The following ZNF503 variants were observed in gnomAD, a reference collection of about 807,000 sequenced individuals.
ZNF503 encodes the protein zinc finger protein 503, also known as NocA-like zinc finger 2.
ZNF503 carries 15 observed loss-of-function variants against 34.4 expected under a neutral mutation model. That is an observed-to-expected ratio of 0.44 (90% CI 0.29 to 0.67). The LOEUF (loss-of-function observed/expected upper bound fraction) is 0.67, where lower values mean the gene tolerates loss of function less well. Among genes scored for constraint, ZNF503 ranks in the 30% least tolerant of loss-of-function variants. ZNF503 has a pLI of 0.13. For missense variants in ZNF503, 1,007 were observed against 926.8 expected, an observed-to-expected ratio of 1.09 and a Z score of -1.12; for synonymous variants, 580 against 456.8, an observed-to-expected ratio of 1.27 and a Z score of -3.44.
At chr10:75,354,470 T>C in the ZNF503 span, among the ~76,000 whole-genome samples, 2 of 152,094 alleles carry the variant, frequency 1.3e-5, 1 homozygote, top group South Asian at 4.1e-4. Flanking sequence ...CCTAGCACTT[T>C]GGGAGGCTGA....
At chr10:75,367,999 A>T in the ZNF503 span, among the ~76,000 whole-genome samples, 1 of 152,204 alleles carries the variant, frequency 6.6e-6, no homozygotes, top group East Asian at 1.9e-4. Flanking sequence ...GGGCTTGGGG[A>T]AGGCCCAGTA....
chr10:75,352,903 C>T, the ZNF503 span, among the ~76,000 whole-genome samples: 5 of 152,186 alleles, frequency 3.3e-5, no homozygotes, highest in Admixed American at 6.5e-5. Flanking sequence ...CAGGCCTCCG[C>T]CTCCCCCAGC....
the ZNF503 span, among the ~76,000 whole-genome samples, chr10:75,298,170 G>C: frequency 7.2e-5 from 11 of 152,100 alleles, no homozygotes; most frequent in Non-Finnish European, 1.5e-4. Context: ...TTAGGTCTGG[G>C]ATCCATTTTT....
At position 75,399,597 on chromosome 10, in the gene ZNF503, C is replaced by G. The variant is rs1402583584; in HGVS notation, c.1093G>C (p.Gly365Arg). ...TGGGGCGGGTAGCCGGCGTAGGCCC[C>G]GGCCAGGCTGCCTGGGTAGGTCATA... ...AGMTYPGSLA[G>R]AYAGYPPQFL... The change falls in exon 2 of 2, where the codon GGG becomes CGG. Residue 365 changes from glycine to arginine, a missense_variant. Coordinates refer to ENST00000372524, the MANE Select transcript of ZNF503 (RefSeq NM_032772.6). 3 of 1,597,430 alleles carry G rather than the reference C, an allele frequency of 1.9e-6. No individual in the cohort carries two copies. The highest frequency in any genetic ancestry group is 1.1e-5 in the South Asian group (1 of 91,006).
chr10:75,349,239 A>T, the ZNF503 span, among the ~76,000 whole-genome samples: 1 of 152,230 alleles, frequency 6.6e-6, no homozygotes, highest in East Asian at 1.9e-4. Context: ...ATCTTCGGAC[A>T]CACTTTGCAT....
At chr10:75,284,786 T>G in the ZNF503 span, among the ~76,000 whole-genome samples, 12 of 152,194 alleles carry the variant, frequency 7.9e-5, no homozygotes, top group African/African-American at 2.7e-4. Flanking sequence ...TACACTCAAA[T>G]GGACTCTAAA....
chr10:75,313,210 G>GT, the ZNF503 span, among the ~76,000 whole-genome samples: 24 of 152,264 alleles, frequency 1.6e-4, no homozygotes, highest in African/African-American at 5.3e-4. Flanking sequence ...CAAAATAGGG[G>GT]TTTTTTTGCA....
At chr10:75,305,328 TAA>T in the ZNF503 span, among the ~76,000 whole-genome samples, 3 of 152,128 alleles carry the variant, frequency 2.0e-5, no homozygotes, top group African/African-American at 7.2e-5. Context: ...CTCTACTGTA[TAA>T]AGCACCATTT....
the ZNF503 span, among the ~76,000 whole-genome samples, chr10:75,356,985 C>T: frequency 2.0e-5 from 3 of 151,974 alleles, no homozygotes; most frequent in Non-Finnish European, 4.4e-5. Flanking sequence ...TTGTTCATCC[C>T]ACAAGAAAAA....
At chr10:75,331,445 A>T in the ZNF503 span, among the ~76,000 whole-genome samples, 11 of 152,026 alleles carry the variant, frequency 7.2e-5, no homozygotes, top group East Asian at 1.3e-3. Flanking sequence ...TCTCCCTTTA[A>T]TTTATTTTAT....
At chr10:75,317,724 GGT>G in the ZNF503 span, among the ~76,000 whole-genome samples, 1 of 152,150 alleles carries the variant, frequency 6.6e-6, no homozygotes, top group Non-Finnish European at 1.5e-5. Flanking sequence ...GGCCAGGTGT[GGT>G]GGCTCATACC....
chr10:75,384,264 T>C, the ZNF503 span, among the ~76,000 whole-genome samples: 5 of 151,966 alleles, frequency 3.3e-5, no homozygotes, highest in East Asian at 5.8e-4. Context: ...CACATGCGCA[T>C]ACACACACTG....
chr10:75,380,065 C>T, the ZNF503 span, among the ~76,000 whole-genome samples: 71 of 152,322 alleles, frequency 4.7e-4, no homozygotes, highest in African/African-American at 1.7e-3. Flanking sequence ...CAGACCTGCT[C>T]ACTCTATGCC....
the ZNF503 span, among the ~76,000 whole-genome samples, chr10:75,378,313 A>G: frequency 6.6e-6 from 1 of 152,124 alleles, no homozygotes; most frequent in Non-Finnish European, 1.5e-5. Context: ...ACAGATGGGC[A>G]GGAAGCTCCT....
rs1266621889 is a variant in ZNF503, at chr10:75,401,239, G to A, written c.181C>T (p.Pro61Ser). ...GCCTGGCGCAGGGGGTCAGAGGGGG[G>A]CACGGCGTGCACAAAAGGCTTGGTG... Reference protein sequence around the residue: ...GSTKPFVHAVPPSDPLRQANR... With the variant: ...GSTKPFVHAVSPSDPLRQANR... The change falls in exon 1 of 2, where the codon CCC becomes TCC. Residue 61 changes from proline (P) to serine (S), a missense_variant. Physicochemically the swap from Pro to Ser is moderately conservative, Grantham distance 74. Coordinates refer to ENST00000372524, the MANE Select transcript of ZNF503 (RefSeq NM_032772.6). The A allele has an allele frequency of 5.0e-6, 8 of 1,606,464 alleles. No homozygotes were observed. The highest frequency in any genetic ancestry group is 3.3e-5 in the South Asian group (3 of 90,038).
chr10:75,382,772 G>A, the ZNF503 span: 1 of 326,432 alleles, frequency 3.1e-6, no homozygotes, highest in Admixed American at 3.8e-5. Flanking sequence ...AGAATCTCGT[G>A]GGTCAGCTCT....
At chr10:75,284,229 C>T in the ZNF503 span, among the ~76,000 whole-genome samples, 2 of 152,138 alleles carry the variant, frequency 1.3e-5, no homozygotes, top group Non-Finnish European at 2.9e-5. Context: ...AACCCCAGCC[C>T]TAGGATCTCT....
the ZNF503 span, among the ~76,000 whole-genome samples, chr10:75,287,384 C>T: frequency 6.6e-6 from 1 of 152,166 alleles, no homozygotes; most frequent in Admixed American, 6.5e-5. Context: ...CTGCTGTCCC[C>T]TGGTCCTAGG....
chr10:75,284,319 A>C, the ZNF503 span, among the ~76,000 whole-genome samples: 1 of 148,152 alleles, frequency 6.7e-6, no homozygotes, highest in Non-Finnish European at 1.5e-5. Context: ...ATAACAAACC[A>C]GCCTAAGAGA....
Sources: allele counts gnomAD v4.1 joint callset (sites outside exome capture counted in the v4.1 genomes callset), GRCh38; gene constraint gnomAD v4.1.1; transcripts MANE v1.5; gene names NCBI Gene and HGNC (gene_info 2026-07-23, HGNC 2026-07-21).